NAV2: variants seen among roughly 807,000 people sequenced by gnomAD.
The protein encoded by NAV2 is neuron navigator 2, also known as helicase, APC down-regulated 1.
A neutral mutation model predicts 223.2 loss-of-function variants in NAV2; 54 were observed. That is an observed-to-expected ratio of 0.24 (90% CI 0.19 to 0.30). The LOEUF (loss-of-function observed/expected upper bound fraction) is 0.30. Among genes scored for constraint, NAV2 ranks in the 10% least tolerant of loss-of-function variants. The probability of loss-of-function intolerance (pLI) is 1.00; values close to 1 mark genes in which losing one functional copy is unlikely to be tolerated. For missense variants in NAV2, 2,806 were observed against 3,147.5 expected, an observed-to-expected ratio of 0.89 and a Z score of 2.60; for synonymous variants, 1,279 against 1,239.3, an observed-to-expected ratio of 1.03 and a Z score of -0.67.
chr11:19,964,453 C>T (rs1406426071), intron 10 of NAV2, among the ~76,000 whole-genome samples: 1 of 151,752 alleles, frequency 6.6e-6, no homozygotes, highest in Non-Finnish European at 1.5e-5. Context: ...TTTTAAATGC[C>T]AGGCACTGTG....
chr11:19,923,645 A>G (rs1565567080), intron 6 of NAV2, among the ~76,000 whole-genome samples: 1 of 152,246 alleles, frequency 6.6e-6, no homozygotes, highest in East Asian at 1.9e-4. Context: ...TATTTACAAT[A>G]GTGTACAGCC....
chr11:19,999,442 C>T (rs1363560925), intron 11 of NAV2, among the ~76,000 whole-genome samples: 6 of 152,236 alleles, frequency 3.9e-5, no homozygotes, highest in Admixed American at 3.3e-4. Context: ...AATCTCAGCT[C>T]ACTGCAACCT....
chr11:20,066,062 A>G (rs1429586423), intron 20 of NAV2, among the ~76,000 whole-genome samples: 1 of 152,254 alleles, frequency 6.6e-6, no homozygotes, highest in East Asian at 1.9e-4. Flanking sequence ...AGAAAGCAAT[A>G]GTATTAGTAC....
intron 1 of NAV2, among the ~76,000 whole-genome samples, chr11:19,602,738 G>A (rs982273697): frequency 2.0e-4 from 30 of 152,178 alleles, no homozygotes; most frequent in African/African-American, 7.0e-4. Flanking sequence ...CTCTGTTTTC[G>A]CCTGGCCCCC....
At chr11:19,761,638 C>T (rs1435691671) in intron 1 of NAV2, among the ~76,000 whole-genome samples, 1 of 152,190 alleles carries the variant, frequency 6.6e-6, no homozygotes, top group East Asian at 1.9e-4. Flanking sequence ...TTCAGCTTTA[C>T]ACCCAGCTAC....
chr11:19,459,878 A>C (rs1852093108), intron 1 of NAV2, among the ~76,000 whole-genome samples: 1 of 152,176 alleles, frequency 6.6e-6, no homozygotes, highest in Non-Finnish European at 1.5e-5. Flanking sequence ...GTGTCTTAGG[A>C]TGATTAATAC....
intron 1 of NAV2, among the ~76,000 whole-genome samples, chr11:19,374,742 G>T (rs772905784): frequency 6.6e-6 from 1 of 152,192 alleles, no homozygotes; most frequent in Admixed American, 6.5e-5. Context: ...AGATCAGGAT[G>T]TGGACATTCA....
intron 1 of NAV2, among the ~76,000 whole-genome samples, chr11:19,619,169 T>G (rs2046906920): frequency 6.6e-6 from 1 of 151,502 alleles, no homozygotes; most frequent in African/African-American, 2.4e-5. Flanking sequence ...TGATGGGCAT[T>G]TGGGTTGGTT....
intron 11 of NAV2, among the ~76,000 whole-genome samples, chr11:19,994,160 G>GTGTCC (rs2051625773): frequency 6.6e-6 from 1 of 152,202 alleles, no homozygotes; most frequent in Non-Finnish European, 1.5e-5. Flanking sequence ...AGATCCTTTA[G>GTGTCC]AAACATTACC....
chr11:19,676,565 C>T (rs567357400), intron 1 of NAV2, among the ~76,000 whole-genome samples: 5 of 152,316 alleles, frequency 3.3e-5, no homozygotes, highest in East Asian at 1.9e-4. Flanking sequence ...AGCTTGGTTT[C>T]CGGCCTTCCC....
intron 1 of NAV2, among the ~76,000 whole-genome samples, chr11:19,823,179 G>T (rs1202772117): frequency 6.6e-6 from 1 of 152,092 alleles, no homozygotes; most frequent in Non-Finnish European, 1.5e-5. Flanking sequence ...TGAGTAGCTG[G>T]AACCACAGGC....
At chr11:19,862,550 G>A (rs887424659) in intron 3 of NAV2, among the ~76,000 whole-genome samples, 1 of 152,184 alleles carries the variant, frequency 6.6e-6, no homozygotes, top group Non-Finnish European at 1.5e-5. Context: ...CATTACAGAA[G>A]GGCAGGCCCT....
At chr11:19,849,861 G>A (rs558259646) in intron 3 of NAV2, among the ~76,000 whole-genome samples, 1 of 152,242 alleles carries the variant, frequency 6.6e-6, no homozygotes, top group Admixed American at 6.5e-5. Flanking sequence ...CTTATGTGTT[G>A]GCCATCGTTC....
intron 5 of NAV2, among the ~76,000 whole-genome samples, chr11:19,881,620 A>G (rs2063210255): frequency 6.6e-6 from 1 of 152,208 alleles, no homozygotes; most frequent in African/African-American, 2.4e-5. Context: ...TTTAATTGGT[A>G]TTAAGCCTCC....
chr11:19,887,751 C>A (rs2041137706), intron 5 of NAV2, among the ~76,000 whole-genome samples: 1 of 152,052 alleles, frequency 6.6e-6, no homozygotes, highest in Admixed American at 6.5e-5. Flanking sequence ...GTTTGGTCCT[C>A]TCTGCCCAGC....
intron 36 of NAV2, 93 bp downstream of exon 36, chr11:20,107,875 A>G: frequency 1.1e-6 from 1 of 879,508 alleles, no homozygotes; most frequent in Non-Finnish European, 1.9e-6. Flanking sequence ...CAGGAATCTG[A>G]CTGACATGGG....
chr11:19,605,189 G>C (rs954931935), intron 1 of NAV2, among the ~76,000 whole-genome samples: 1 of 152,184 alleles, frequency 6.6e-6, no homozygotes, highest in Non-Finnish European at 1.5e-5. Flanking sequence ...AGGTCCAGGG[G>C]AGGAGTTGGG....
rs180924715 is a variant in NAV2 at position 19,579,420 on chromosome 11, C to T, written c.75+228393C>T. On this transcript the variant is annotated intron_variant, in intron 1 of 37. Transcript: ENST00000360655. The stretch of plus-strand genomic sequence containing the variant: ...CTTCGTCTATCTGCCCTTCATAACA[C>T]AGCTCAAGCAGCTGGACAGAGACGG... Among the ~76,000 whole-genome samples the T allele has an allele frequency of 2.6e-5, 4 of 152,294 alleles. No homozygotes were observed. The East Asian group carries it at 5.8e-4, about 22-fold the overall frequency.
intron 11 of NAV2, among the ~76,000 whole-genome samples, chr11:20,023,930 A>C (rs992700457): frequency 7.2e-5 from 11 of 152,162 alleles, no homozygotes; most frequent in Admixed American, 1.3e-4. Flanking sequence ...TTTCATTGCA[A>C]AGCCAGGGAG....
Sources: gnomAD v4.1 joint callset for allele counts (sites outside exome capture counted in the v4.1 genomes callset) on GRCh38, gnomAD v4.1.1 for gene constraint, MANE v1.5 for transcripts, NCBI Gene and HGNC (gene_info 2026-07-23, HGNC 2026-07-21) for gene names.